Variants in CALN1 observed in about 807,000 individuals in gnomAD.
CALN1 encodes calcium-binding protein 8.
In CALN1, 17 loss-of-function variants were observed where a neutral mutation model predicts 30.6. The observed-to-expected ratio is 0.56, with a 90% CI of 0.38 to 0.83. The LOEUF is 0.83. Ranked by LOEUF, CALN1 falls within the 40% of genes least tolerant of loss-of-function variation. The pLI is 0.00. For missense variants in CALN1, 291 were observed against 354.9 expected, an observed-to-expected ratio of 0.82 and a Z score of 1.45; for synonymous variants, 156 against 131.4, an observed-to-expected ratio of 1.19 and a Z score of -1.28.
intron 5 of CALN1, among the ~76,000 whole-genome samples, chr7:71,881,785 G>A (rs1792583023): frequency 6.6e-6 from 1 of 152,086 alleles, no homozygotes; most frequent in African/African-American, 2.4e-5. Context: ...TAGCTTTGGA[G>A]GCCATAGCTG....
upstream of CALN1, among the ~76,000 whole-genome samples, chr7:72,414,439 G>A (rs1807358599): frequency 6.6e-6 from 1 of 152,158 alleles, no homozygotes; most frequent in African/African-American, 2.4e-5. Context: ...CTTGATGCCA[G>A]ACCAGGGGTC....
chr7:72,501,674 G>A, the CALN1 span, among the ~76,000 whole-genome samples: 2 of 151,054 alleles, frequency 1.3e-5, no homozygotes, highest in Non-Finnish European at 2.9e-5. Context: ...ACTTTGGGAG[G>A]CTGAGGTGGG....
intron 2 of CALN1, among the ~76,000 whole-genome samples, chr7:72,316,867 C>G (rs1230749686): frequency 6.6e-6 from 1 of 151,614 alleles, no homozygotes; most frequent in Non-Finnish European, 1.5e-5. Context: ...ATCACTTGAG[C>G]TCAGGAGTTC....
At chr7:71,865,680 T>C (rs1298473762) in intron 5 of CALN1, among the ~76,000 whole-genome samples, 1 of 152,204 alleles carries the variant, frequency 6.6e-6, no homozygotes, top group Non-Finnish European at 1.5e-5. Context: ...GGAGGACACA[T>C]GGTGGCTTCT....
intron 2 of CALN1, among the ~76,000 whole-genome samples, chr7:72,358,846 T>G (rs938473459): frequency 6.6e-6 from 1 of 151,732 alleles, no homozygotes; most frequent in Non-Finnish European, 1.5e-5. Flanking sequence ...TAATCCCAGC[T>G]ACTCGGTAGG....
intron 2 of CALN1, among the ~76,000 whole-genome samples, chr7:72,385,295 G>A (rs1805146610): frequency 6.6e-6 from 1 of 152,106 alleles, no homozygotes. Flanking sequence ...CAGGGTCTCA[G>A]GTATTTACTC....
intron 2 of CALN1, among the ~76,000 whole-genome samples, chr7:72,303,029 T>C (rs1271903883): frequency 1.3e-5 from 2 of 149,846 alleles, no homozygotes; most frequent in African/African-American, 2.5e-5. Flanking sequence ...TACAGTGAGC[T>C]ATGATGGTGC....
intron 5 of CALN1, among the ~76,000 whole-genome samples, chr7:71,882,490 G>C (rs1792631579): frequency 1.3e-5 from 2 of 152,164 alleles, no homozygotes; most frequent in African/African-American, 4.8e-5. Context: ...CACCACACCT[G>C]CTTAAATTAG....
intron 5 of CALN1, among the ~76,000 whole-genome samples, chr7:71,835,756 G>A (rs907690033): frequency 6.6e-6 from 1 of 152,184 alleles, no homozygotes; most frequent in Non-Finnish European, 1.5e-5. Context: ...AGAGAAAACT[G>A]TAGAAGAAAC....
chr7:72,418,601 C>A (rs188120665), intron 1 of CALN1, among the ~76,000 whole-genome samples: 3 of 152,174 alleles, frequency 2.0e-5, no homozygotes, highest in East Asian at 3.9e-4. Context: ...TCTGGACAAT[C>A]GCCCTCTGTA....
chr7:72,475,728 G>A, the CALN1 span, among the ~76,000 whole-genome samples: 3 of 152,080 alleles, frequency 2.0e-5, no homozygotes, highest in Non-Finnish European at 4.4e-5. Context: ...AGGAATATTA[G>A]GGATGTTGTA....
intron 5 of CALN1, among the ~76,000 whole-genome samples, chr7:71,857,972 G>T (rs571115333): frequency 2.7e-4 from 41 of 152,202 alleles, no homozygotes; most frequent in African/African-American, 9.4e-4. Flanking sequence ...TAAGAAATCA[G>T]GTGATGATAA....
chr7:72,239,062 C>G (rs573826074), intron 3 of CALN1, among the ~76,000 whole-genome samples: 9 of 152,166 alleles, frequency 5.9e-5, no homozygotes, highest in African/African-American at 4.8e-5. Context: ...AGATGTTGTA[C>G]TCCGTGACTT....
At chr7:72,310,582 T>C (rs1312651660) in intron 2 of CALN1, among the ~76,000 whole-genome samples, 2 of 151,864 alleles carry the variant, frequency 1.3e-5, no homozygotes, top group African/African-American at 2.4e-5. Context: ...CGGTGGACAC[T>C]TGATGCATCT....
chr7:72,066,674 G>A (rs11772969), intron 4 of CALN1, among the ~76,000 whole-genome samples: 28,571 of 151,880 alleles, frequency 0.19, 3,292 homozygotes, highest in East Asian at 0.34. Context: ...GTACAGTGGC[G>A]CCATCACGGC....
chr7:72,320,095 T>TGGACGACAGATCGAGATGACACAGC lies in CALN1; in HGVS notation c.120-41310_120-41286dup, dbSNP rs1327254027. On this transcript the variant is annotated intron_variant, in intron 2 of 6. Coordinates refer to ENST00000395275, the MANE Select transcript of CALN1 (RefSeq NM_031468.4). The stretch of plus-strand genomic sequence containing the variant: ...GAGATCGTGCCGTTACACTCCAGCC[T>TGGACGACAGATCGAGATGACACAGC]GGACGACAGATCGAGATGACACAGC... Among the ~76,000 whole-genome samples the TGGACGACAGATCGAGATGACACAGC allele has an allele frequency of 5.2e-4, 79 of 152,002 alleles. 1 individual carries two copies. Among genetic ancestry groups the TGGACGACAGATCGAGATGACACAGC allele is most frequent in the African/African-American group, 1.8e-3 (74 of 41,380 alleles).
At chr7:72,110,216 A>T (rs1265602553) in intron 3 of CALN1, among the ~76,000 whole-genome samples, 1 of 152,016 alleles carries the variant, frequency 6.6e-6, no homozygotes, top group Non-Finnish European at 1.5e-5. Context: ...ACATCCTTAC[A>T]TTGGGCGACA....
intron 5 of CALN1, among the ~76,000 whole-genome samples, chr7:71,983,832 G>C (rs1004501187): frequency 2.0e-5 from 3 of 152,140 alleles, no homozygotes; most frequent in African/African-American, 7.2e-5. Context: ...ACACCCAGCT[G>C]ATTGGATGCT....
chr7:71,882,163 C>T (rs1461070817), intron 5 of CALN1, among the ~76,000 whole-genome samples: 2 of 152,214 alleles, frequency 1.3e-5, no homozygotes, highest in Non-Finnish European at 2.9e-5. Context: ...TTCCTCGCTT[C>T]TTTCAGCATC....
Sources: gnomAD v4.1 joint callset for allele counts (sites outside exome capture counted in the v4.1 genomes callset) on GRCh38, gnomAD v4.1.1 for gene constraint, MANE v1.5 for transcripts, NCBI Gene and HGNC (gene_info 2026-07-23, HGNC 2026-07-21) for gene names.